ST8SIA6: variants seen among roughly 807,000 people sequenced by gnomAD.
ST8SIA6 encodes alpha-2,8-sialyltransferase 8F.
A neutral mutation model predicts 33.6 loss-of-function variants in ST8SIA6; 39 were observed. The ratio of observed to expected loss-of-function variants is 1.16; its 90% CI spans 0.90 to 1.52. ST8SIA6 has a LOEUF of 1.52. Among genes scored for constraint, ST8SIA6 ranks in the 40% most tolerant of loss-of-function variants. The pLI is 0.00. For missense variants in ST8SIA6, 441 were observed against 443.8 expected (o/e 0.99, Z 0.06); for synonymous variants, 172 against 167.2 (o/e 1.03, Z -0.22).
chr10:17,397,840 GA>G (rs1421420455), intron 2 of ST8SIA6, among the ~76,000 whole-genome samples: 2 of 151,602 alleles, frequency 1.3e-5, no homozygotes, highest in Non-Finnish European at 2.9e-5. Flanking sequence ...AAAAAGGTTG[GA>G]AAAAAAAGAT....
intron 4 of ST8SIA6, among the ~76,000 whole-genome samples, chr10:17,345,348 A>G (rs1408646209): frequency 6.6e-6 from 1 of 152,242 alleles, no homozygotes; most frequent in African/African-American, 2.4e-5. Context: ...TTGGCTGAGT[A>G]CAAATCCACA....
intron 3 of ST8SIA6, among the ~76,000 whole-genome samples, chr10:17,380,911 GTT>G (rs1386196457): frequency 6.0e-5 from 8 of 132,342 alleles, no homozygotes; most frequent in African/African-American, 1.1e-4. Context: ...GTATATGTGT[GTT>G]TGTGCGTGTG....
At position 17,392,481 on chromosome 10, in the gene ST8SIA6, G is replaced by C. The variant is rs539770165; in HGVS notation, c.201-1861C>G. On this transcript the variant is annotated intron_variant, in intron 2 of 7. Coordinates refer to ENST00000377602, the MANE Select transcript of ST8SIA6 (RefSeq NM_001004470.3). ...GTCCAAGGCCTCAGTGACCATGATCGGGCCACTGCACTCCAGCCTGGGTGA... is the reference window on the plus strand; with the variant it reads ...GTCCAAGGCCTCAGTGACCATGATCCGGCCACTGCACTCCAGCCTGGGTGA... Among the ~76,000 whole-genome samples, 30 of 152,204 alleles carry C rather than the reference G, an allele frequency of 2.0e-4. No individual in the cohort carries two copies. In the South Asian group the frequency reaches 6.0e-3, roughly 31 times the overall value.
chr10:17,420,272 T>C (rs1564455943), intron 2 of ST8SIA6, among the ~76,000 whole-genome samples: 1 of 151,740 alleles, frequency 6.6e-6, no homozygotes, highest in Non-Finnish European at 1.5e-5. Context: ...ATTAGCTGGG[T>C]GTGGTGGCGG....
chr10:17,415,317 C>A (rs1042341033), intron 2 of ST8SIA6, among the ~76,000 whole-genome samples: 3 of 152,150 alleles, frequency 2.0e-5, no homozygotes, highest in Admixed American at 1.3e-4. Flanking sequence ...AAAGGTCCCT[C>A]CCTACCTAAA....
At chr10:17,360,836 A>G (rs1215499098) in intron 3 of ST8SIA6, among the ~76,000 whole-genome samples, 1 of 151,978 alleles carries the variant, frequency 6.6e-6, no homozygotes, top group Non-Finnish European at 1.5e-5. Context: ...ACAAATATAA[A>G]TGATCTAGGC....
At chr10:17,334,043 C>G (rs1848422957) in intron 4 of ST8SIA6, among the ~76,000 whole-genome samples, 2 of 150,286 alleles carry the variant, frequency 1.3e-5, no homozygotes, top group African/African-American at 4.9e-5. Context: ...TCTCACTAGA[C>G]TTCTAACTGG....
Position 17,318,214 on chromosome 10 carries a change from A to C in ST8SIA6, c.*2664T>G, listed in dbSNP as rs897953397. Among the ~76,000 whole-genome samples the C allele has an allele frequency of 3.3e-5, 5 of 149,782 alleles. No individual in the cohort carries two copies. Among genetic ancestry groups the C allele is most frequent in the African/African-American group, 1.3e-4 (5 of 39,692 alleles). On this transcript the variant is annotated 3_prime_UTR_variant, in exon 8 of 8. Coordinates refer to ENST00000377602, the MANE Select transcript of ST8SIA6 (RefSeq NM_001004470.3). ...GAGCTAGAATCCTAACTAAAGGGCT[A>C]CTTTTTTTTTTTCTTTTTTGAGACA...
intron 2 of ST8SIA6, among the ~76,000 whole-genome samples, chr10:17,406,446 G>A (rs1211936650): frequency 3.9e-5 from 6 of 152,034 alleles, no homozygotes; most frequent in Admixed American, 3.9e-4. Flanking sequence ...TCGAATATAC[G>A]ACATAAGCCA....
intron 2 of ST8SIA6, among the ~76,000 whole-genome samples, chr10:17,412,026 C>T (rs943087326): frequency 8.6e-5 from 13 of 152,010 alleles, no homozygotes; most frequent in Non-Finnish European, 1.5e-4. Flanking sequence ...AAGCCCCTCT[C>T]GCTGCACCCT....
chr10:17,431,736 GAAA>G (rs113184112), intron 2 of ST8SIA6, among the ~76,000 whole-genome samples: 8 of 118,908 alleles, frequency 6.7e-5, no homozygotes, highest in African/African-American at 1.1e-4. Flanking sequence ...TCTTCGTTTG[GAAA>G]AAAAAAAAAA....
At chr10:17,432,616 C>T (rs763648485) in intron 2 of ST8SIA6, among the ~76,000 whole-genome samples, 10 of 152,176 alleles carry the variant, frequency 6.6e-5, no homozygotes, top group Non-Finnish European at 1.0e-4. Context: ...AAAGAGTTGA[C>T]ACCAAATTGG....
At chr10:17,408,593 G>A (rs1231314530) in intron 2 of ST8SIA6, among the ~76,000 whole-genome samples, 1 of 151,976 alleles carries the variant, frequency 6.6e-6, no homozygotes, top group Non-Finnish European at 1.5e-5. Context: ...CCGGGAGGTG[G>A]AGGTTGCAGT....
intron 3 of ST8SIA6, among the ~76,000 whole-genome samples, chr10:17,388,593 T>G (rs900998042): frequency 1.3e-5 from 2 of 152,210 alleles, no homozygotes; most frequent in Non-Finnish European, 1.5e-5. Context: ...TGGGTCTTCC[T>G]TGTATAGGAT....
chr10:17,390,183 A>G (rs1203506141), intron 3 of ST8SIA6, among the ~76,000 whole-genome samples: 2 of 151,886 alleles, frequency 1.3e-5, no homozygotes, highest in Non-Finnish European at 1.5e-5. Flanking sequence ...GGGTTTTGCT[A>G]TGTTGCTAAG....
At chr10:17,433,300 C>T (rs552019775) in intron 2 of ST8SIA6, among the ~76,000 whole-genome samples, 6 of 152,246 alleles carry the variant, frequency 3.9e-5, no homozygotes, top group African/African-American at 1.2e-4. Context: ...CACACCCTTG[C>T]TTAAATAATT....
intron 4 of ST8SIA6, among the ~76,000 whole-genome samples, chr10:17,352,511 G>A (rs1296361903): frequency 6.6e-6 from 1 of 152,080 alleles, no homozygotes; most frequent in African/African-American, 2.4e-5. Flanking sequence ...ATGAAGACAT[G>A]GCAAGCAATG....
chr10:17,374,749 A>AAATATATATC, intron 3 of ST8SIA6, among the ~76,000 whole-genome samples: 1 of 114,610 alleles, frequency 8.7e-6, no homozygotes, highest in Non-Finnish European at 1.8e-5. Flanking sequence ...TAAATAAATA[A>AAATATATATC]TAAATATATA....
At chr10:17,416,053 C>T (rs186044806) in intron 2 of ST8SIA6, among the ~76,000 whole-genome samples, 127 of 152,082 alleles carry the variant, frequency 8.4e-4, no homozygotes, top group South Asian at 1.5e-3. Context: ...AGTGATCCAC[C>T]GGCCTCAGCC....
Sources: allele counts gnomAD v4.1 joint callset (sites outside exome capture counted in the v4.1 genomes callset), GRCh38; gene constraint gnomAD v4.1.1; transcripts MANE v1.5; gene names NCBI Gene and HGNC (gene_info 2026-07-23, HGNC 2026-07-21).